Variants in PDE1C observed in about 807,000 individuals in gnomAD.
PDE1C encodes dual specificity calcium/calmodulin-dependent 3',5'-cyclic nucleotide phosphodiesterase 1C.
PDE1C carries 62 observed loss-of-function variants against 93.1 expected under a neutral mutation model. That is an observed-to-expected ratio of 0.67 (90% CI 0.54 to 0.82). PDE1C has a LOEUF of 0.82. Among genes scored for constraint, PDE1C ranks in the 40% least tolerant of loss-of-function variants. The pLI, the probability that PDE1C is intolerant of heterozygous loss-of-function variation, is 0.00. For synonymous variants in PDE1C, 325 were observed against 310.1 expected (o/e 1.05, Z -0.50); for missense variants, 742 against 884.6 (o/e 0.84, Z 2.04).
At chr7:31,897,243 G>A (rs767549639) in intron 2 of PDE1C, among the ~76,000 whole-genome samples, 4 of 152,200 alleles carry the variant, frequency 2.6e-5, no homozygotes, top group African/African-American at 4.8e-5. Context: ...GTCAGGGAAG[G>A]CATGGATTCA....
chr7:31,957,288 G>A (rs1250861303), intron 2 of PDE1C, among the ~76,000 whole-genome samples: 2 of 151,696 alleles, frequency 1.3e-5, no homozygotes, highest in Non-Finnish European at 2.9e-5. Flanking sequence ...CTCCTACTGT[G>A]GGCATTAGCC....
chr7:32,126,383 T>C (rs1023508958), intron 3 of PDE1C, among the ~76,000 whole-genome samples: 2 of 152,186 alleles, frequency 1.3e-5, no homozygotes, highest in East Asian at 1.9e-4. Context: ...ACTCAGGCCG[T>C]CTGGCTCCAG....
chr7:31,753,721 C>T (rs1022271671), intron 17 of PDE1C, among the ~76,000 whole-genome samples, 168 bp from the exon 18 acceptor site: 12 of 152,152 alleles, frequency 7.9e-5, no homozygotes, highest in Non-Finnish European at 1.6e-4. Flanking sequence ...TGAATAAGCA[C>T]GTTACCACCT....
chr7:31,778,228 T>G (rs1231226371), intron 16 of PDE1C, among the ~76,000 whole-genome samples: 3 of 152,170 alleles, frequency 2.0e-5, no homozygotes. Flanking sequence ...TCGCATTGTA[T>G]CTTACACAAA....
the PDE1C span, among the ~76,000 whole-genome samples, chr7:31,618,905 C>T: frequency 6.6e-6 from 1 of 152,066 alleles, no homozygotes; most frequent in Non-Finnish European, 1.5e-5. Flanking sequence ...TTATAAGAAG[C>T]CAAAGTGGAT....
the PDE1C span, among the ~76,000 whole-genome samples, chr7:31,711,804 C>A: frequency 6.6e-6 from 1 of 152,196 alleles, no homozygotes; most frequent in Non-Finnish European, 1.5e-5. Context: ...CAAATCTGAG[C>A]AAGTGGGAGC....
At chr7:32,196,993 T>A (rs1416091223) in intron 2 of PDE1C, among the ~76,000 whole-genome samples, 3 of 152,110 alleles carry the variant, frequency 2.0e-5, no homozygotes, top group Admixed American at 6.5e-5. Context: ...AAATTATGAG[T>A]CCAGTTTGGA....
chr7:31,711,083 A>G, the PDE1C span, among the ~76,000 whole-genome samples: 5 of 152,204 alleles, frequency 3.3e-5, no homozygotes, highest in Non-Finnish European at 7.3e-5. Flanking sequence ...ATTGCAGAAG[A>G]CTTCCTGAGA....
chr7:31,736,423 A>G, the PDE1C span, among the ~76,000 whole-genome samples: 34,863 of 152,082 alleles, frequency 0.23, 5,872 homozygotes, highest in African/African-American at 0.46. Context: ...TACTGGATCC[A>G]CCCCACACCT....
intron 7 of PDE1C, among the ~76,000 whole-genome samples, chr7:31,853,325 TAAG>T (rs1259778969): frequency 6.6e-6 from 1 of 152,134 alleles, no homozygotes; most frequent in East Asian, 1.9e-4. Context: ...GCTTTGGGGA[TAAG>T]AAGAAAGAAA....
intron 2 of PDE1C, among the ~76,000 whole-genome samples, chr7:31,998,948 C>A (rs1785113151): frequency 6.6e-6 from 1 of 152,230 alleles, no homozygotes. Flanking sequence ...CTCCTAAAGA[C>A]TGGGCTGCCA....
chr7:31,710,985 C>CAG, the PDE1C span, among the ~76,000 whole-genome samples: 1 of 152,216 alleles, frequency 6.6e-6, no homozygotes, highest in South Asian at 2.1e-4. Context: ...TCCAAGCTAT[C>CAG]AGCTTACCTT....
intron 3 of PDE1C, among the ~76,000 whole-genome samples, chr7:32,137,762 G>A (rs1407427012): frequency 6.6e-6 from 1 of 152,134 alleles, no homozygotes; most frequent in Non-Finnish European, 1.5e-5. Flanking sequence ...ATAGGTAAGA[G>A]AAAAGAGATG....
intron 1 of PDE1C, among the ~76,000 whole-genome samples, chr7:32,335,957 T>C (rs1369381440): frequency 6.6e-6 from 1 of 152,126 alleles, no homozygotes; most frequent in African/African-American, 2.4e-5. Context: ...CTCAAACACC[T>C]GGGCTTACAG....
rs765311393 is a variant in PDE1C, at chr7:32,036,320, GAGAA to G, written c.128+15230_128+15233del. Among the ~76,000 whole-genome samples, 13 of 152,316 alleles carry G rather than the reference GAGAA, an allele frequency of 8.5e-5. 3 individuals are homozygous for G. The highest frequency in any genetic ancestry group is 6.5e-5 in the Admixed American group (1 of 15,298). Reference sequence around the variant, plus strand: ...ATGGATGAGGCAACAGGGATGTACAGAGAAAGAAAGTGCTTAGAGTGAGTTGTAT... The same window carrying G: ...ATGGATGAGGCAACAGGGATGTACAGAGAAAGTGCTTAGAGTGAGTTGTAT... On this transcript the variant is annotated intron_variant, in intron 2 of 17. Transcript: ENST00000396191.
At chr7:32,032,983 G>C (rs1790541848) in intron 2 of PDE1C, among the ~76,000 whole-genome samples, 1 of 152,132 alleles carries the variant, frequency 6.6e-6, no homozygotes, top group Admixed American at 6.5e-5. Flanking sequence ...ACCAGACCAT[G>C]AACTGGAGAT....
At chr7:31,878,138 G>T in intron 4 of PDE1C, 102 bp from the exon 5 acceptor site, 1 of 743,446 alleles carries the variant, frequency 1.3e-6, no homozygotes, top group Non-Finnish European at 2.2e-6. Context: ...GAAGTCAAGT[G>T]GGGTGATCCA....
the PDE1C span, chr7:31,695,618 C>T: frequency 6.2e-7 from 1 of 1,611,638 alleles, no homozygotes; most frequent in South Asian, 1.1e-5. Flanking sequence ...ACCTTTCATA[C>T]CAGGTAATGG....
chr7:32,322,866 C>T (rs1176992840), intron 1 of PDE1C, among the ~76,000 whole-genome samples: 2 of 152,130 alleles, frequency 1.3e-5, no homozygotes, highest in Non-Finnish European at 2.9e-5. Flanking sequence ...CCCTCCTTGG[C>T]CTCCCAAAGT....
Sources: allele counts gnomAD v4.1 joint callset (sites outside exome capture counted in the v4.1 genomes callset), GRCh38; gene constraint gnomAD v4.1.1; transcripts MANE v1.5; gene names NCBI Gene and HGNC (gene_info 2026-07-23, HGNC 2026-07-21).